The following ZMAT4 variants were observed in gnomAD, a reference collection of about 807,000 sequenced individuals.
ZMAT4 encodes the protein zinc finger matrin-type protein 4.
A neutral mutation model predicts 28.7 loss-of-function variants in ZMAT4; 17 were observed. The ratio of observed to expected loss-of-function variants is 0.59; its 90% confidence interval spans 0.41 to 0.89. The LOEUF (loss-of-function observed/expected upper bound fraction) is 0.89. Ranked by LOEUF, ZMAT4 falls within the 40% of genes least tolerant of loss-of-function variation. The pLI, the probability that ZMAT4 is intolerant of heterozygous loss-of-function variation, is 0.00. For missense variants in ZMAT4, 240 were observed against 283.8 expected, an observed-to-expected ratio of 0.85 and a Z score of 1.11; for synonymous variants, 117 against 109.2, an observed-to-expected ratio of 1.07 and a Z score of -0.44.
At chr8:40,664,256 A>C (rs542613835) in intron 5 of ZMAT4, among the ~76,000 whole-genome samples, 8 of 152,278 alleles carry the variant, frequency 5.3e-5, no homozygotes, top group Admixed American at 1.3e-4. Context: ...AGCGAACACA[A>C]CACCAGTACA....
chr8:40,647,062 G>A (rs557343192), intron 5 of ZMAT4, among the ~76,000 whole-genome samples: 5 of 152,120 alleles, frequency 3.3e-5, no homozygotes, highest in African/African-American at 1.2e-4. Flanking sequence ...TGAGAGTCTG[G>A]GGGGAGGAGC....
At chr8:40,676,346 A>T (rs1808909033) in intron 4 of ZMAT4, among the ~76,000 whole-genome samples, 1 of 152,168 alleles carries the variant, frequency 6.6e-6, no homozygotes, top group African/African-American at 2.4e-5. Context: ...AAATATTCCG[A>T]TCCAAATATT....
chr8:40,650,063 A>C (rs1807560512), intron 5 of ZMAT4, among the ~76,000 whole-genome samples: 1 of 152,156 alleles, frequency 6.6e-6, no homozygotes, highest in Non-Finnish European at 1.5e-5. Context: ...GAAGGCAAGA[A>C]ATAACTAAAA....
At chr8:40,594,514 T>C (rs1024764266) in intron 5 of ZMAT4, among the ~76,000 whole-genome samples, 2 of 152,184 alleles carry the variant, frequency 1.3e-5, no homozygotes, top group Non-Finnish European at 2.9e-5. Flanking sequence ...GTAACCCTTA[T>C]GTGTCTCTGT....
intron 5 of ZMAT4, among the ~76,000 whole-genome samples, chr8:40,617,161 A>G (rs1806038165): frequency 6.6e-6 from 1 of 152,184 alleles, no homozygotes; most frequent in Admixed American, 6.5e-5. Flanking sequence ...CATATTCTTT[A>G]TATTATATAT....
intron 3 of ZMAT4, among the ~76,000 whole-genome samples, chr8:40,700,644 G>A (rs983041603): frequency 2.0e-5 from 3 of 151,736 alleles, no homozygotes; most frequent in African/African-American, 4.8e-5. Context: ...GGCTGGCCTC[G>A]AACTCCTAGG....
intron 3 of ZMAT4, among the ~76,000 whole-genome samples, chr8:40,710,037 C>CAAAAAAAAA: frequency 2.6e-5 from 2 of 78,280 alleles, no homozygotes; most frequent in African/African-American, 4.1e-5. Context: ...GACCCAGTCT[C>CAAAAAAAAA]AAAAAAAAAA....
chr8:40,590,234 G>T (rs1804844053), intron 5 of ZMAT4, among the ~76,000 whole-genome samples: 1 of 151,192 alleles, frequency 6.6e-6, no homozygotes, highest in Admixed American at 6.6e-5. Flanking sequence ...GTCTTTCTAT[G>T]TTGTCCAGGC....
At chr8:40,617,224 C>T (rs1806040549) in intron 5 of ZMAT4, among the ~76,000 whole-genome samples, 2 of 152,092 alleles carry the variant, frequency 1.3e-5, no homozygotes, top group Admixed American at 6.5e-5. Flanking sequence ...CTTTTTCTTG[C>T]ACTAGAATTT....
chr8:40,890,346 C>T (rs543854016), intron 1 of ZMAT4, among the ~76,000 whole-genome samples: 1 of 152,302 alleles, frequency 6.6e-6, no homozygotes, highest in Non-Finnish European at 1.5e-5. Context: ...AGAGGGAACA[C>T]TGCTCTCTCT....
chr8:40,803,845 A>G (rs1814960313), intron 2 of ZMAT4, among the ~76,000 whole-genome samples: 1 of 152,210 alleles, frequency 6.6e-6, no homozygotes, highest in African/African-American at 2.4e-5. Context: ...CCTTCAGTAG[A>G]TGAAGGTATA....
chr8:40,878,774 G>A (rs192870032), intron 1 of ZMAT4, among the ~76,000 whole-genome samples: 311 of 152,306 alleles, frequency 2.0e-3, no homozygotes, highest in Non-Finnish European at 2.9e-3. Flanking sequence ...CTCTGGCCTC[G>A]GAGGCCTGTT....
intron 2 of ZMAT4, among the ~76,000 whole-genome samples, chr8:40,791,517 C>T (rs1391223820): frequency 6.6e-6 from 1 of 152,204 alleles, no homozygotes; most frequent in Non-Finnish European, 1.5e-5. Context: ...GCTGAGCAAC[C>T]AGCCAAGGTC....
At chr8:40,844,390 G>C (rs577737009) in intron 1 of ZMAT4, among the ~76,000 whole-genome samples, 1 of 152,116 alleles carries the variant, frequency 6.6e-6, no homozygotes, top group Non-Finnish European at 1.5e-5. Context: ...GGCAGAGAAG[G>C]GTGAGTTTGC....
At chr8:40,639,034 A>T (rs549153781) in intron 5 of ZMAT4, among the ~76,000 whole-genome samples, 1 of 152,250 alleles carries the variant, frequency 6.6e-6, no homozygotes, top group South Asian at 2.1e-4. Context: ...GGACTGCAGG[A>T]TGCCCCTCCA....
chr8:40,602,348 TATA>T (rs1434855894), intron 5 of ZMAT4, among the ~76,000 whole-genome samples: 1 of 152,220 alleles, frequency 6.6e-6, no homozygotes, highest in Non-Finnish European at 1.5e-5. Context: ...ATCTTTTTCG[TATA>T]ATAACTTCTT....
At chr8:40,838,535 C>A (rs1184274149) in intron 1 of ZMAT4, among the ~76,000 whole-genome samples, 1 of 152,120 alleles carries the variant, frequency 6.6e-6, no homozygotes, top group Non-Finnish European at 1.5e-5. Flanking sequence ...AAGATGGGGT[C>A]TCACTATATT....
chr8:40,768,958 A>G (rs1337623249), intron 2 of ZMAT4, among the ~76,000 whole-genome samples: 3 of 152,192 alleles, frequency 2.0e-5, no homozygotes, highest in Non-Finnish European at 4.4e-5. Flanking sequence ...TGATTTTCAG[A>G]GAACACATAG....
Position 40,581,151 on chromosome 8 carries a change from A to G in ZMAT4, c.674+14T>C. The G allele has an allele frequency of 6.2e-7, 1 of 1,609,520 alleles. No individual in the cohort carries two copies. The highest frequency in any genetic ancestry group is 8.5e-7 in the Non-Finnish European group (1 of 1,176,506). On this transcript the variant is annotated intron_variant, in intron 6 of 6. Transcript: ENST00000297737. ...ATCGAAGAAACTGAAGAGTGAAAGC[A>G]CAAAAGTACCTACTTGGTCTGGTGT... is the stretch of plus-strand genomic sequence containing the variant.
Sources: gnomAD v4.1 joint callset for allele counts (sites outside exome capture counted in the v4.1 genomes callset) on GRCh38, gnomAD v4.1.1 for gene constraint, MANE v1.5 for transcripts, NCBI Gene and HGNC (gene_info 2026-07-23, HGNC 2026-07-21) for gene names.